ELL: variants seen among roughly 807,000 people sequenced by gnomAD.
The protein encoded by ELL is elongation factor for RNA polymerase II, also known as RNA polymerase II elongation factor ELL.
A neutral mutation model predicts 64.0 loss-of-function variants in ELL; 18 were observed. The ratio of observed to expected loss-of-function variants is 0.28; its 90% confidence interval spans 0.19 to 0.42. The LOEUF is 0.42. Among genes scored for constraint, ELL ranks in the 10% least tolerant of loss-of-function variants. The pLI is 1.00. For synonymous variants in ELL, 399 were observed against 376.2 expected (o/e 1.06, Z -0.70); for missense variants, 797 against 870.4 (o/e 0.92, Z 1.06).
At chr19:18,464,513 G>GT (rs1974896069) in intron 4 of ELL, among the ~76,000 whole-genome samples, 1 of 152,118 alleles carries the variant, frequency 6.6e-6, no homozygotes, top group South Asian at 2.1e-4. Context: ...CCCGGACTCA[G>GT]TGTTGACCAG....
rs996272823 is a variant in ELL, at chr19:18,472,966, T to C, written c.136-84A>G. 9 of 1,434,586 alleles carry C rather than the reference T, an allele frequency of 6.3e-6. No homozygotes were observed. The African/African-American group carries it at 7.5e-5, about 12-fold the overall frequency. The allele number at this position is 1,434,586 out of a possible 1,614,324, so 88.9% of individuals were successfully genotyped here. On this transcript the variant is annotated intron_variant, in intron 1 of 11. Transcript: ENST00000262809. The stretch of plus-strand genomic sequence containing the variant: ...AACCCAAAGACTCCCTCCCCAGGTA[T>C]AGAAGGAGCAGGGTGAAGATGGTGT...
chr19:18,497,206 G>A (rs975283555), intron 1 of ELL, among the ~76,000 whole-genome samples: 1 of 152,218 alleles, frequency 6.6e-6, no homozygotes, highest in Non-Finnish European at 1.5e-5. Context: ...CAAGAAATGA[G>A]CTAGGAAACC....
chr19:18,509,593 G>GCA (rs1428746063), intron 1 of ELL, among the ~76,000 whole-genome samples: 7 of 83,280 alleles, frequency 8.4e-5, no homozygotes, highest in Non-Finnish European at 1.4e-4. Context: ...GCGCGCGCGC[G>GCA]CACATACACA....
At chr19:18,494,785 G>C (rs1285026487) in intron 1 of ELL, among the ~76,000 whole-genome samples, 3 of 152,134 alleles carry the variant, frequency 2.0e-5, no homozygotes, top group Non-Finnish European at 4.4e-5. Context: ...TCTGGGCTCT[G>C]ACCAGGTGGG....
chr19:18,494,026 C>T (rs1289445717), intron 1 of ELL, among the ~76,000 whole-genome samples: 3 of 152,300 alleles, frequency 2.0e-5, no homozygotes, highest in South Asian at 2.1e-4. Context: ...AGACCAGAGG[C>T]CCCCAAGATA....
intron 1 of ELL, among the ~76,000 whole-genome samples, chr19:18,479,186 C>T (rs1333312568): frequency 5.9e-5 from 9 of 152,168 alleles, no homozygotes; most frequent in Admixed American, 4.6e-4. Context: ...CGGGGACAGT[C>T]CCCACCATCT....
chr19:18,465,713 T>C (rs1003752882), intron 3 of ELL, 84 bp downstream of exon 3: 6 of 1,457,702 alleles, frequency 4.1e-6, no homozygotes, highest in South Asian at 1.5e-5. Flanking sequence ...ATGGTTTCAA[T>C]GGGGCACATC....
At chr19:18,464,984 T>C (rs1600450063) in intron 4 of ELL, among the ~76,000 whole-genome samples, 1 of 152,180 alleles carries the variant, frequency 6.6e-6, no homozygotes, top group South Asian at 2.1e-4. Context: ...AGCTGGCTGG[T>C]CAGGTGAGGG....
At chr19:18,469,462 C>G (rs1975016541) in intron 2 of ELL, among the ~76,000 whole-genome samples, 1 of 152,264 alleles carries the variant, frequency 6.6e-6, no homozygotes, top group African/African-American at 2.4e-5. Flanking sequence ...GTTTGAAACG[C>G]AGCCCCTGCT....
intron 2 of ELL, among the ~76,000 whole-genome samples, chr19:18,470,743 T>A (rs1339187568): frequency 6.6e-6 from 1 of 152,112 alleles, no homozygotes; most frequent in East Asian, 1.9e-4. Context: ...TCCCATCGAA[T>A]CAGCCCAAGG....
At position 18,473,074 on chromosome 19, in the gene ELL, GGA is replaced by G. The variant is rs992762867; in HGVS notation, c.136-194_136-193del. 23 of 701,438 alleles carry G rather than the reference GGA, an allele frequency of 3.3e-5. No homozygotes were observed. In the African/African-American group the frequency reaches 3.8e-4, roughly 11 times the overall value. The allele number at this position is 701,438 out of a possible 1,614,324, so 43.5% of individuals were successfully genotyped here. A position where few individuals can be genotyped will look rare whatever the true frequency, so the allele number is the denominator to read the frequency against. ...GAGCAGGGTTTTAGAAGGATCAGTA[GGA>G]GTTCCTCAGATGGACAGAGGGCTGG... On this transcript the variant is annotated intron_variant, in intron 1 of 11. Transcript: ENST00000262809.
At chr19:18,445,369 G>A in intron 10 of ELL, 101 bp from the exon 11 acceptor site, 1 of 1,075,652 alleles carries the variant, frequency 9.3e-7, no homozygotes, top group East Asian at 2.5e-5. Context: ...GCATGGGAGG[G>A]TGGGGCAGCC....
chr19:18,448,708 G>T (rs1260053279), intron 8 of ELL: 1 of 152,262 alleles, frequency 6.6e-6, no homozygotes. Flanking sequence ...GATGACAAAC[G>T]GGGAAATCAA....
At chr19:18,519,806 C>CAA (rs1183522203) in intron 1 of ELL, among the ~76,000 whole-genome samples, 8 of 62,968 alleles carry the variant, frequency 1.3e-4, no homozygotes, top group African/African-American at 3.7e-4. Flanking sequence ...AACTCCATCT[C>CAA]AAAAAAAAAA....
At chr19:18,491,899 A>T (rs1975541511) in intron 1 of ELL, among the ~76,000 whole-genome samples, 1 of 152,208 alleles carries the variant, frequency 6.6e-6, no homozygotes, top group Non-Finnish European at 1.5e-5. Context: ...TCTAAAAAAT[A>T]AATAAAATAA....
intron 6 of ELL, among the ~76,000 whole-genome samples, chr19:18,455,954 C>T (rs375598384): frequency 6.6e-6 from 1 of 151,868 alleles, no homozygotes; most frequent in Non-Finnish European, 1.5e-5. Flanking sequence ...CAAAATTAGC[C>T]GGGCATGGTG....
At chr19:18,483,579 T>G (rs992395620) in intron 1 of ELL, among the ~76,000 whole-genome samples, 3 of 152,128 alleles carry the variant, frequency 2.0e-5, no homozygotes, top group Non-Finnish European at 2.9e-5. Flanking sequence ...TTGTTACAAC[T>G]GAGGAAAATG....
At chr19:18,461,100 C>A (rs1446788225) in intron 5 of ELL, among the ~76,000 whole-genome samples, 1 of 152,230 alleles carries the variant, frequency 6.6e-6, no homozygotes, top group East Asian at 1.9e-4. Flanking sequence ...AGGGGCACTG[C>A]AGGTCACAGA....
intron 7 of ELL, 134 bp from the exon 8 acceptor site, chr19:18,451,109 C>T: frequency 7.9e-7 from 1 of 1,266,214 alleles, no homozygotes; most frequent in Non-Finnish European, 1.0e-6. Context: ...GCCCGAGCAC[C>T]AAGTCAGGTC....
Sources: gnomAD v4.1 joint callset for allele counts (sites outside exome capture counted in the v4.1 genomes callset) on GRCh38, gnomAD v4.1.1 for gene constraint, MANE v1.5 for transcripts, NCBI Gene and HGNC (gene_info 2026-07-23, HGNC 2026-07-21) for gene names.